Variants in ABCB5 observed in about 807,000 individuals in gnomAD.
ABCB5 encodes the protein ATP-binding cassette sub-family B member 5.
A neutral mutation model predicts 144.2 loss-of-function variants in ABCB5; 155 were observed. The observed-to-expected ratio is 1.08, with a 90% CI of 0.94 to 1.23. The LOEUF (loss-of-function observed/expected upper bound fraction) is 1.23. Ranked by LOEUF, ABCB5 falls within the 50% of genes most tolerant of loss-of-function variation. The pLI is 0.00. For missense variants in ABCB5, 1,830 were observed against 1,520.8 expected (o/e 1.20, Z -3.38); for synonymous variants, 610 against 528.6 (o/e 1.15, Z -2.11).
chr7:20,626,979 T>G (rs1433847326), intron 3 of ABCB5, among the ~76,000 whole-genome samples: 2 of 152,122 alleles, frequency 1.3e-5, no homozygotes, highest in Non-Finnish European at 2.9e-5. Context: ...TTTCAGTATA[T>G]TCCAATGATT....
chr7:20,640,150 T>C (rs1784262637), intron 5 of ABCB5, among the ~76,000 whole-genome samples: 1 of 152,208 alleles, frequency 6.6e-6, no homozygotes. Flanking sequence ...CCTGTAGTGT[T>C]CCATCCTATC....
intron 5 of ABCB5, among the ~76,000 whole-genome samples, chr7:20,636,840 T>C (rs1784169679): frequency 6.6e-6 from 1 of 151,588 alleles, no homozygotes; most frequent in Non-Finnish European, 1.5e-5. Flanking sequence ...CAGTACATTA[T>C]TATTAATTAT....
At chr7:20,674,719 A>G (rs1785549545) in intron 14 of ABCB5, among the ~76,000 whole-genome samples, 1 of 150,474 alleles carries the variant, frequency 6.6e-6, no homozygotes, top group African/African-American at 2.4e-5. Context: ...GGCAGATCAT[A>G]TGATCTTAAA....
chr7:20,709,244 G>T (rs989794210), intron 20 of ABCB5, among the ~76,000 whole-genome samples: 1 of 131,456 alleles, frequency 7.6e-6, no homozygotes, highest in Non-Finnish European at 1.7e-5. Flanking sequence ...TCTTTGCTTG[G>T]CCAATGAATA....
At chr7:20,678,932 T>G (rs1322400166) in intron 14 of ABCB5, among the ~76,000 whole-genome samples, 1 of 152,172 alleles carries the variant, frequency 6.6e-6, no homozygotes, top group Non-Finnish European at 1.5e-5. Context: ...ATGGGGAAAA[T>G]GTACATTGAC....
chr7:20,742,889 G>T lies in ABCB5; in HGVS notation c.3037G>T (p.Gly1013Trp). Residue 1013 changes from glycine (G) to tryptophan (W), a missense_variant, in exon 25 of 28, where the codon GGG (glycine) becomes TGG (tryptophan). Coordinates refer to ENST00000404938, the MANE Select transcript of ABCB5 (RefSeq NM_001163941.2). ...QEGKKPDTCE[G>W]NLEFREVSFF... ...CTTCCTTTCACAGGACACATGTGAA[G>T]GGAATTTAGAGTTTCGAGAAGTCTC... The T allele has an allele frequency of 6.2e-7, 1 of 1,614,138 alleles. No individual in the cohort carries two copies. Among genetic ancestry groups the T allele is most frequent in the Non-Finnish European group, 8.5e-7 (1 of 1,180,038 alleles).
intron 13 of ABCB5, among the ~76,000 whole-genome samples, chr7:20,657,610 G>A (rs1205138082): frequency 2.0e-5 from 3 of 152,180 alleles, no homozygotes; most frequent in Non-Finnish European, 2.9e-5. Context: ...GTATCTGCAG[G>A]CATGGTATGG....
At chr7:20,689,889 G>A (rs1275926305) in intron 16 of ABCB5, among the ~76,000 whole-genome samples, 1 of 152,196 alleles carries the variant, frequency 6.6e-6, no homozygotes, top group Non-Finnish European at 1.5e-5. Context: ...ATTTCAGACA[G>A]GGGCACAGCA....
At chr7:20,679,763 C>T (rs1467883776) in intron 14 of ABCB5, among the ~76,000 whole-genome samples, 1 of 152,124 alleles carries the variant, frequency 6.6e-6, no homozygotes, top group Non-Finnish European at 1.5e-5. Flanking sequence ...ACAGAAAGAA[C>T]CAAGTCTTAG....
intron 20 of ABCB5, among the ~76,000 whole-genome samples, chr7:20,720,776 T>C (rs1185940800): frequency 2.0e-5 from 3 of 151,432 alleles, no homozygotes; most frequent in Non-Finnish European, 4.4e-5. Context: ...AAACCCCGTC[T>C]CTACTAAAAA....
At chr7:20,739,280 T>A (rs1382112355) in intron 24 of ABCB5, 141 bp downstream of exon 24, 2 of 755,234 alleles carry the variant, frequency 2.6e-6, no homozygotes, top group South Asian at 7.0e-5. Flanking sequence ...TGTGACAAGA[T>A]CATTCATACC....
At chr7:20,708,026 C>T (rs1051884631) in intron 20 of ABCB5, among the ~76,000 whole-genome samples, 5 of 151,970 alleles carry the variant, frequency 3.3e-5, no homozygotes, top group Admixed American at 3.3e-4. Flanking sequence ...AGGATGGTCT[C>T]GATCTCCTGA....
intron 16 of ABCB5, among the ~76,000 whole-genome samples, chr7:20,691,821 G>A (rs2158858): frequency 0.88 from 134,218 of 151,968 alleles, 59,550 homozygotes; most frequent in African/African-American, 0.97. Flanking sequence ...ACAAGGCTCA[G>A]TAACATTTAC....
chr7:20,682,030 C>T (rs528044636), intron 15 of ABCB5, among the ~76,000 whole-genome samples: 3 of 151,994 alleles, frequency 2.0e-5, no homozygotes, highest in East Asian at 1.9e-4. Context: ...CATGGTGAAA[C>T]CTTGTCTCTC....
At chr7:20,623,046 C>T (rs1783833611) in intron 1 of ABCB5, among the ~76,000 whole-genome samples, 1 of 152,080 alleles carries the variant, frequency 6.6e-6, no homozygotes, top group Admixed American at 6.6e-5. Flanking sequence ...CAAATCTAAG[C>T]CTAGAATGAA....
rs1215887193 is a variant in ABCB5, at chr7:20,651,410, G to A, written c.1333-10G>A. On this transcript the variant is annotated splice_polypyrimidine_tract_variant and intron_variant, in intron 12 of 27. Transcript: ENST00000404938. ...GGCATCACAACATGGTTCATTCTTT[G>A]GATTGGCAGATCATGGTGGATGAGA... 1 of 1,613,862 alleles carries A rather than the reference G, an allele frequency of 6.2e-7. No homozygotes were observed. Among genetic ancestry groups the A allele is most frequent in the Non-Finnish European group, 8.5e-7 (1 of 1,179,896 alleles).
intron 14 of ABCB5, chr7:20,659,536 G>A (rs1411074842): frequency 1.1e-5 from 11 of 1,005,918 alleles, no homozygotes; most frequent in Non-Finnish European, 1.3e-5. Flanking sequence ...AAATCAGATT[G>A]TGCAAGTTTG....
Position 20,651,430 on chromosome 7 carries a change from A to T in ABCB5, c.1343A>T (p.Asp448Val). The T allele has an allele frequency of 6.2e-7, 1 of 1,614,058 alleles. No individual in the cohort carries two copies. ...TCTTTGGATTGGCAGATCATGGTGG[A>T]TGAGAATGACATCAGAGCTTTAAAT... Reference protein sequence around the residue: ...YDPDDGFIMVDENDIRALNVR... With the variant: ...YDPDDGFIMVVENDIRALNVR... Residue 448 changes from aspartate to valine, a missense_variant, in exon 13 of 28, where the codon GAT becomes GTT. Coordinates refer to ENST00000404938, the MANE Select transcript of ABCB5 (RefSeq NM_001163941.2).
intron 19 of ABCB5, among the ~76,000 whole-genome samples, chr7:20,701,096 C>CA (rs1786609791): frequency 6.6e-6 from 1 of 152,286 alleles, no homozygotes; most frequent in East Asian, 1.9e-4. Flanking sequence ...ACCTTCTGTG[C>CA]AAAAAGGTCC....
Sources: allele counts gnomAD v4.1 joint callset (sites outside exome capture counted in the v4.1 genomes callset), GRCh38; gene constraint gnomAD v4.1.1; transcripts MANE v1.5; gene names NCBI Gene and HGNC (gene_info 2026-07-23, HGNC 2026-07-21).